LRWD1: variants seen among roughly 807,000 people sequenced by gnomAD.
LRWD1 encodes the protein leucine rich repeats and WD repeat domain containing 1, also known as leucine-rich repeat and WD repeat-containing protein 1.
Under a neutral mutation model 75.6 loss-of-function variants are expected in LRWD1, and 76 were observed. The observed-to-expected ratio is 1.01, with a 90% CI of 0.84 to 1.22. The LOEUF (loss-of-function observed/expected upper bound fraction) is 1.22, where lower values mean the gene tolerates loss of function less well. Among genes scored for constraint, LRWD1 ranks in the 50% most tolerant of loss-of-function variants. LRWD1 has a pLI of 0.00. For missense variants in LRWD1, 917 were observed against 862.0 expected, an observed-to-expected ratio of 1.06 and a Z score of -0.80; for synonymous variants, 487 against 377.0, an observed-to-expected ratio of 1.29 and a Z score of -3.38.
chr7:102,468,668 C>A lies in LRWD1; in HGVS notation c.1020+14C>A. The A allele has an allele frequency of 6.4e-7, 1 of 1,556,966 alleles. No homozygotes were observed. The highest frequency in any genetic ancestry group is 8.7e-7 in the Non-Finnish European group (1 of 1,150,468). On this transcript the variant is annotated intron_variant, in intron 8 of 14. Transcript: ENST00000292616. ...GCACCCGGCGAGGTGAGTGCAAGGC[C>A]CTGTCCCTGCTGGGCAAGGGTGCCC...
Position 102,468,282 on chromosome 7 carries a change from C to A in LRWD1, c.824C>A (p.Pro275His), listed in dbSNP as rs758860057. 6.2e-7 allele frequency: 1 copy of A among 1,610,532 alleles called. No individual in the cohort carries two copies. The highest frequency in any genetic ancestry group is 8.5e-7 in the Non-Finnish European group (1 of 1,178,824). Residue 275 changes from proline (P) to histidine (H), a missense_variant, in exon 7 of 15, where the codon CCC becomes CAC. Pro to His is a moderately conservative substitution (Grantham distance 77). Coordinates refer to ENST00000292616, the MANE Select transcript of LRWD1 (RefSeq NM_152892.3). ...CCACAGCCTGCTGTGAAGCTGGAGCCCCTGCACTTCCTGCAGTGCCACAGC... is the reference window on the plus strand; with the variant it reads ...CCACAGCCTGCTGTGAAGCTGGAGCACCTGCACTTCCTGCAGTGCCACAGC... ...DGSQPAVKLE[P>H]LHFLQCHSKN...
At position 102,473,088 on chromosome 7, in the gene LRWD1, A is replaced by T. The variant is rs757359306; in HGVS notation, c.*39A>T. The T allele has an allele frequency of 1.5e-5, 24 of 1,569,370 alleles. No individual in the cohort carries two copies. Among genetic ancestry groups the T allele is most frequent in the Admixed American group, 1.4e-4 (8 of 55,400 alleles). ...CAAAGGACCAGGGACACAGCTAACT[A>T]ACTTATTCAGCTTTGGGCCGATGGG... On this transcript the variant is annotated 3_prime_UTR_variant, in exon 15 of 15. Coordinates refer to ENST00000292616, the MANE Select transcript of LRWD1 (RefSeq NM_152892.3).
intron 11 of LRWD1, 143 bp downstream of exon 11, chr7:102,470,025 C>T: frequency 9.5e-7 from 1 of 1,052,584 alleles, no homozygotes. Flanking sequence ...TGGCTTGTCC[C>T]ACCTTTCTGC....
Position 102,472,929 on chromosome 7 carries a change from C to G in LRWD1, c.1824C>G (p.Pro608=), listed in dbSNP as rs1768356702. 3 of 1,613,934 alleles carry G rather than the reference C, an allele frequency of 1.9e-6. No homozygotes were observed. The highest frequency in any genetic ancestry group is 1.1e-5 in the South Asian group (1 of 91,090). ...ACCAGATCCTGAAGTGGCCCCAGCC[C>G]TGGGCCCTTGGCCAGGTGGTGACCA... ...APTQILKWPQ[P]WALGQVVTKT... is the part of the protein sequence containing the mutation. The change falls in exon 15 of 15, where the codon CCC becomes CCG. Residue 608 remains proline, a synonymous_variant. Transcript: ENST00000292616.
In LRWD1 at chr7:102,469,726, C is replaced by T; in HGVS notation, c.1302-16C>T. On this transcript the variant is annotated splice_polypyrimidine_tract_variant and intron_variant, in intron 10 of 14. Transcript: ENST00000292616. ...GGTCTGGGTCTGATGCTCTGTTCCC[C>T]CTTGCCCACTGGCAGCCAGCTGCTC... The T allele has an allele frequency of 6.2e-7, 1 of 1,610,390 alleles. No individual in the cohort carries two copies.
At chr7:102,472,330 G>C in intron 12 of LRWD1, 21 bp downstream of exon 12, 1 of 1,558,998 alleles carries the variant, frequency 6.4e-7, no homozygotes, top group Non-Finnish European at 8.7e-7. Flanking sequence ...TCAGCTTGTG[G>C]GACAGCCTGG....
intron 12 of LRWD1, 33 bp from the exon 13 acceptor site, chr7:102,472,421 C>A: frequency 1.9e-6 from 3 of 1,542,680 alleles, no homozygotes; most frequent in South Asian, 1.2e-5. Context: ...CTGGGAGGGG[C>A]CACCCTGCAC....
Position 102,466,218 on chromosome 7 carries a change from C to T in LRWD1, c.380C>T (p.Ala127Val), listed in dbSNP as rs752415055. The T allele has an allele frequency of 1.2e-5, 19 of 1,614,026 alleles. No homozygotes were observed. The highest frequency in any genetic ancestry group is 2.2e-5 in the East Asian group (1 of 44,896). ...CTCCGTAAGGTCAATGGCAAGGATG[C>T]GTCCTCAACTTACTCTCAGGTGGAG... ...PTLRKVNGKD[A>V]SSTYSQVENL... The change falls in exon 3 of 15, where the codon GCG becomes GTG. Residue 127 changes from alanine (A) to valine (V), a missense_variant. By Grantham distance (64) the Ala-to-Val change is moderately conservative. Transcript: ENST00000292616.
In LRWD1 at chr7:102,468,048, G is replaced by C; in HGVS notation, c.679-14G>C. ...CAGGCAGACAGGCCCATGGTCACAA[G>C]GCCCCCTCCACAGGCCAGACTGGCG... On this transcript the variant is annotated splice_polypyrimidine_tract_variant and intron_variant, in intron 5 of 14. Transcript: ENST00000292616. 1 of 1,604,392 alleles carries C rather than the reference G, an allele frequency of 6.2e-7. No individual in the cohort carries two copies. Among genetic ancestry groups the C allele is most frequent in the Non-Finnish European group, 8.5e-7 (1 of 1,178,414 alleles).
At chr7:102,471,976 C>A (rs961228163) in intron 11 of LRWD1, 1 of 503,718 alleles carries the variant, frequency 2.0e-6, no homozygotes, top group Non-Finnish European at 3.6e-6. Flanking sequence ...TAGCCCCGTC[C>A]TGGAAGAGCC....
chr7:102,472,553 C>T lies in LRWD1; in HGVS notation c.1634C>T (p.Ala545Val), dbSNP rs372186219. 4.3e-5 allele frequency: 68 copies of T among 1,595,194 alleles called. No homozygotes were observed. Among genetic ancestry groups the T allele is most frequent in the South Asian group, 2.4e-4 (21 of 89,144 alleles). ...SQSTVAVVVLARLQWSSTELA... is the reference protein window; with the variant it reads ...SQSTVAVVVLVRLQWSSTELA... ...TCCACGGTGGCAGTGGTGGTCCTGG[C>T]GCGGCTGCAATGGTCGTCCACCGAG... Residue 545 changes from alanine (A) to valine (V), a missense_variant, in exon 13 of 15, where the codon GCG (alanine) becomes GTG (valine). Coordinates refer to ENST00000292616, the MANE Select transcript of LRWD1 (RefSeq NM_152892.3).
chr7:102,472,528 TCCACGGTGGCAGTGGTGG>T lies in LRWD1; in HGVS notation c.1610_1627del (p.Ser537_Val543delinsPhe). 1 of 1,578,396 alleles carries T rather than the reference TCCACGGTGGCAGTGGTGG, an allele frequency of 6.3e-7. No homozygotes were observed. Among genetic ancestry groups the T allele is most frequent in the Non-Finnish European group, 8.6e-7 (1 of 1,163,678 alleles). ...GACGTGGGGGGGCCGGGGCAGCCAG[TCCACGGTGGCAGTGGTGG>T]TCCTGGCGCGGCTGCAATGGTCGTC... On this transcript the variant is annotated inframe_deletion, in exon 13 of 15. Transcript: ENST00000292616.
At chr7:102,467,287 G>A in intron 3 of LRWD1, 52 bp from the exon 4 acceptor site, 1 of 1,547,972 alleles carries the variant, frequency 6.5e-7, no homozygotes, top group South Asian at 1.2e-5. Flanking sequence ...GGAGGGCTGG[G>A]TCCGGAGGAG....
At position 102,467,171 on chromosome 7, in the gene LRWD1, G is replaced by T. The variant is rs13225204; in HGVS notation, c.433-168G>T. ...TGGGTTGTTGCTGGGGTGTGTGTGG[G>T]GTGTGTGTGTGTGTGTGTGTGTGTG... On this transcript the variant is annotated intron_variant, in intron 3 of 14. Coordinates refer to ENST00000292616, the MANE Select transcript of LRWD1 (RefSeq NM_152892.3). Among the ~76,000 whole-genome samples the T allele has an allele frequency of 9.2e-3, 917 of 99,146 alleles. 56 individuals carry two copies. The highest frequency in any genetic ancestry group is 0.021 in the South Asian group (62 of 2,902). The allele number at this position is 99,146 out of a possible 152,430, so 65.0% of individuals were successfully genotyped here.
intron 11 of LRWD1, chr7:102,471,125 T>G (rs1330953945): frequency 1.3e-5 from 2 of 152,106 alleles, no homozygotes; most frequent in Non-Finnish European, 2.9e-5. Flanking sequence ...AGAGATGGGG[T>G]TTCACCATGT....
intron 3 of LRWD1, among the ~76,000 whole-genome samples, 191 bp from the exon 4 acceptor site, chr7:102,467,148 G>A (rs1234625162): frequency 8.6e-6 from 1 of 116,584 alleles, no homozygotes; most frequent in African/African-American, 3.1e-5. Flanking sequence ...TAGGCACCTG[G>A]GTTGTTGCTG....
intron 11 of LRWD1, 190 bp downstream of exon 11, chr7:102,470,072 C>A: frequency 1.4e-6 from 1 of 716,430 alleles, no homozygotes; most frequent in African/African-American, 1.8e-5. Context: ...CCTGCTCTCA[C>A]CCTGGGTTCA....
chr7:102,466,018 G>A lies in LRWD1; in HGVS notation c.282G>A (p.Glu94=). Residue 94 remains glutamate (E), a synonymous_variant, in exon 2 of 15, where the codon GAG becomes GAA. Coordinates refer to ENST00000292616, the MANE Select transcript of LRWD1 (RefSeq NM_152892.3). ...VTALCQFPKL[E]ELSLEGNPFL... ...CCTTGTGCCAGTTCCCCAAGCTCGA[G>A]GAACTCAGCCTGGAGGGCAACCCCT... 1 of 1,614,052 alleles carries A rather than the reference G, an allele frequency of 6.2e-7. No individual in the cohort carries two copies. Among genetic ancestry groups the A allele is most frequent in the Admixed American group, 1.7e-5 (1 of 60,024 alleles).
intron 3 of LRWD1, among the ~76,000 whole-genome samples, chr7:102,467,113 GCT>G (rs1798011566): frequency 1.2e-5 from 1 of 86,930 alleles, no homozygotes; most frequent in African/African-American, 3.7e-5. Context: ...CTGGGTTGTT[GCT>G]GGGGTGTGTG....
Sources: gnomAD v4.1 joint callset for allele counts (sites outside exome capture counted in the v4.1 genomes callset) on GRCh38, gnomAD v4.1.1 for gene constraint, MANE v1.5 for transcripts, NCBI Gene and HGNC (gene_info 2026-07-23, HGNC 2026-07-21) for gene names.